CDK14: variants seen among roughly 807,000 people sequenced by gnomAD.
The protein encoded by CDK14 is cyclin-dependent kinase 14.
CDK14 carries 34 observed loss-of-function variants against 60.7 expected under a neutral mutation model. The ratio of observed to expected loss-of-function variants is 0.56; its 90% CI spans 0.43 to 0.75. The LOEUF is 0.75. CDK14 is among the 30% of genes least tolerant of loss of function. The pLI is 0.00. For synonymous variants in CDK14, 197 were observed against 203.7 expected, an observed-to-expected ratio of 0.97 and a Z score of 0.28; for missense variants, 482 against 564.1, an observed-to-expected ratio of 0.85 and a Z score of 1.47.
At chr7:91,060,067 G>A (rs1473528031) in intron 11 of CDK14, among the ~76,000 whole-genome samples, 6 of 152,102 alleles carry the variant, frequency 3.9e-5, no homozygotes, top group Non-Finnish European at 8.8e-5. Context: ...CTAAGGACTT[G>A]CTTTATGAAT....
At chr7:90,657,613 G>A (rs995641711) in intron 2 of CDK14, among the ~76,000 whole-genome samples, 10 of 152,148 alleles carry the variant, frequency 6.6e-5, no homozygotes, top group Admixed American at 6.5e-5. Context: ...TGGCTCATGG[G>A]TCTGAGGGAC....
At chr7:90,767,501 G>T (rs1168481608) in intron 4 of CDK14, among the ~76,000 whole-genome samples, 1 of 151,978 alleles carries the variant, frequency 6.6e-6, no homozygotes, top group Non-Finnish European at 1.5e-5. Context: ...TGTGAGTTTT[G>T]GTATAGTAGG....
At chr7:90,721,894 G>C (rs73222510) in intron 2 of CDK14, among the ~76,000 whole-genome samples, 7,857 of 152,214 alleles carry the variant, frequency 0.052, 218 homozygotes, top group South Asian at 0.077. Context: ...TGGGCAGAAA[G>C]ATTCTATTTG....
At chr7:91,130,184 T>A (rs1240910464) in intron 14 of CDK14, among the ~76,000 whole-genome samples, 1 of 152,158 alleles carries the variant, frequency 6.6e-6, no homozygotes, top group Non-Finnish European at 1.5e-5. Context: ...TCATAATAGA[T>A]TGAATGTAGA....
chr7:90,866,273 C>CACACAG (rs1491345959), intron 6 of CDK14, among the ~76,000 whole-genome samples: 182 of 148,442 alleles, frequency 1.2e-3, no homozygotes, highest in African/African-American at 3.8e-3. Context: ...CACACACACA[C>CACACAG]AGAACTTTGT....
In CDK14 at chr7:90,838,114, G is replaced by C. The variant is rs567417568; in HGVS notation, c.545-25061G>C. Among the ~76,000 whole-genome samples, 6 of 152,226 alleles carry C rather than the reference G, an allele frequency of 3.9e-5. No homozygotes were observed. In the South Asian group the frequency reaches 1.2e-3, roughly 32 times the overall value. ...GGGACCGGCTGAAGCTGCGGCAGAA[G>C]AACATAAATTGTGAAGATTTCATGA... On this transcript the variant is annotated intron_variant, in intron 5 of 14. Coordinates refer to ENST00000380050, the MANE Select transcript of CDK14 (RefSeq NM_001287135.2).
At chr7:90,919,407 C>A (rs1299578049) in intron 8 of CDK14, among the ~76,000 whole-genome samples, 3 of 151,954 alleles carry the variant, frequency 2.0e-5, no homozygotes, top group Non-Finnish European at 4.4e-5. Context: ...TTAAAAGATT[C>A]TTATGGATCT....
intron 2 of CDK14, among the ~76,000 whole-genome samples, chr7:90,642,432 A>C (rs1800360679): frequency 6.6e-6 from 1 of 152,218 alleles, no homozygotes; most frequent in South Asian, 2.1e-4. Flanking sequence ...TGTTTTAAAT[A>C]TGAATTTCTA....
chr7:90,727,145 A>G (rs1299614709), intron 3 of CDK14, among the ~76,000 whole-genome samples: 1 of 152,202 alleles, frequency 6.6e-6, no homozygotes, highest in Admixed American at 6.5e-5. Flanking sequence ...TGTAGGCAGT[A>G]AGGATAGTTT....
intron 6 of CDK14, among the ~76,000 whole-genome samples, chr7:90,866,132 A>G (rs73403515): frequency 0.03 from 4,622 of 151,936 alleles, 230 homozygotes; most frequent in African/African-American, 0.1. Flanking sequence ...CTCTTATTTC[A>G]ATTACAAAAT....
intron 10 of CDK14, among the ~76,000 whole-genome samples, chr7:91,027,634 A>C (rs1796609833): frequency 6.6e-6 from 1 of 152,020 alleles, no homozygotes; most frequent in African/African-American, 2.4e-5. Context: ...TGGATGGGGA[A>C]TGGGAGCTGA....
At chr7:91,201,292 C>T (rs532604974) in intron 14 of CDK14, among the ~76,000 whole-genome samples, 40 of 151,886 alleles carry the variant, frequency 2.6e-4, no homozygotes, top group Admixed American at 5.9e-4. Flanking sequence ...TTTTTCTTCT[C>T]TGTTAGGCAT....
intron 4 of CDK14, among the ~76,000 whole-genome samples, chr7:90,782,395 G>C (rs1328037665): frequency 6.6e-6 from 1 of 152,024 alleles, no homozygotes; most frequent in African/African-American, 2.4e-5. Flanking sequence ...TTTCCTAATT[G>C]AATACCCTTT....
intron 12 of CDK14, among the ~76,000 whole-genome samples, chr7:91,093,215 C>T (rs1193493906): frequency 2.0e-5 from 3 of 152,080 alleles, no homozygotes; most frequent in East Asian, 1.9e-4. Flanking sequence ...GGATTGGGAA[C>T]GGGAAAAGAA....
At chr7:90,597,593 A>T (rs1170318067) in intron 1 of CDK14, among the ~76,000 whole-genome samples, 1 of 152,218 alleles carries the variant, frequency 6.6e-6, no homozygotes, top group African/African-American at 2.4e-5. Flanking sequence ...AGAGAATGCT[A>T]TAGACACAAA....
At chr7:91,080,469 C>A (rs1018624694) in intron 12 of CDK14, among the ~76,000 whole-genome samples, 7 of 151,912 alleles carry the variant, frequency 4.6e-5, no homozygotes, top group Non-Finnish European at 5.9e-5. Flanking sequence ...TAGGTATAAT[C>A]ATTTTTGTCT....
intron 2 of CDK14, among the ~76,000 whole-genome samples, chr7:90,707,449 C>T (rs1801923583): frequency 6.6e-6 from 1 of 152,082 alleles, no homozygotes; most frequent in African/African-American, 2.4e-5. Flanking sequence ...CCCCACTTCC[C>T]TTCCTTCACC....
chr7:90,830,950 A>T (rs1789893082), intron 5 of CDK14, among the ~76,000 whole-genome samples: 3 of 152,174 alleles, frequency 2.0e-5, no homozygotes, highest in Admixed American at 6.5e-5. Flanking sequence ...TTGAACCTGG[A>T]CTTCATTGTC....
intron 7 of CDK14, among the ~76,000 whole-genome samples, chr7:90,902,882 A>G (rs184904654): frequency 3.3e-5 from 5 of 152,284 alleles, no homozygotes; most frequent in Middle Eastern, 3.4e-3. Context: ...AGGAATTCAA[A>G]CAACTTAACA....
Sources: allele counts gnomAD v4.1 joint callset (sites outside exome capture counted in the v4.1 genomes callset), GRCh38; gene constraint gnomAD v4.1.1; transcripts MANE v1.5; gene names NCBI Gene and HGNC (gene_info 2026-07-23, HGNC 2026-07-21).